Variants in TMEM135 observed in about 807,000 individuals in gnomAD.
TMEM135 encodes peroxisomal membrane protein 52.
Under a neutral mutation model 60.3 loss-of-function variants are expected in TMEM135, and 30 were observed. The observed-to-expected ratio is 0.50, with a 90% CI of 0.37 to 0.68. The LOEUF is 0.68. Ranked by LOEUF, TMEM135 falls within the 30% of genes least tolerant of loss-of-function variation. The probability of loss-of-function intolerance (pLI) is 0.00; values close to 1 mark genes in which losing one functional copy is unlikely to be tolerated. For synonymous variants in TMEM135, 190 were observed against 186.7 expected (o/e 1.02, Z -0.14); for missense variants, 468 against 548.8 (o/e 0.85, Z 1.47).
chr11:87,109,546 T>C (rs1857689133), intron 4 of TMEM135, among the ~76,000 whole-genome samples: 2 of 152,220 alleles, frequency 1.3e-5, no homozygotes, highest in African/African-American at 4.8e-5. Context: ...GTTGATGATG[T>C]AGGCATTGTG....
rs1351128687 is a variant in TMEM135 at position 87,323,804 on chromosome 11, T to C, written c.*2471T>C. ...CAATTCTCAGCAGTTTTTCATCAAA[T>C]AATTTCAGGATCCATTTTATTACTC... On this transcript the variant is annotated 3_prime_UTR_variant, in exon 15 of 15. Coordinates refer to ENST00000305494, the MANE Select transcript of TMEM135 (RefSeq NM_022918.4). The C allele has an allele frequency of 6.6e-6, 3 of 453,922 alleles. No individual in the cohort carries two copies. The East Asian group carries it at 2.1e-4, about 32-fold the overall frequency. 28.1% of individuals were successfully genotyped at this position (453,922 alleles called of 1,614,324 possible). A position where few individuals can be genotyped will look rare whatever the true frequency, so the allele number is the denominator to read the frequency against.
At chr11:87,253,247 A>G (rs1941456707) in intron 6 of TMEM135, among the ~76,000 whole-genome samples, 1 of 152,142 alleles carries the variant, frequency 6.6e-6, no homozygotes, top group African/African-American at 2.4e-5. Context: ...ACATTTTATA[A>G]TGAATATAAA....
At chr11:87,305,638 G>C (rs1003987015) in intron 8 of TMEM135, among the ~76,000 whole-genome samples, 2 of 152,106 alleles carry the variant, frequency 1.3e-5, no homozygotes, top group Non-Finnish European at 2.9e-5. Context: ...GCTGGGCGTG[G>C]TGGCAGGCGC....
chr11:87,151,359 C>G (rs1194010636), intron 4 of TMEM135, among the ~76,000 whole-genome samples: 1 of 151,942 alleles, frequency 6.6e-6, no homozygotes, highest in Non-Finnish European at 1.5e-5. Context: ...CTAAAGGGTT[C>G]CTTTTCTTAT....
intron 5 of TMEM135, among the ~76,000 whole-genome samples, chr11:87,224,952 A>G (rs963193895): frequency 1.3e-5 from 2 of 152,078 alleles, no homozygotes; most frequent in South Asian, 4.1e-4. Context: ...TATTTTGGAA[A>G]TTTAAAAATT....
At chr11:87,084,293 C>G (rs2135158872) in intron 3 of TMEM135, among the ~76,000 whole-genome samples, 1 of 147,208 alleles carries the variant, frequency 6.8e-6, no homozygotes, top group Middle Eastern at 3.4e-3. Context: ...TCTGACTACA[C>G]AGTTCCTGTA....
intron 5 of TMEM135, among the ~76,000 whole-genome samples, chr11:87,196,292 A>C (rs954440213): frequency 4.6e-5 from 7 of 152,170 alleles, no homozygotes; most frequent in Admixed American, 2.0e-4. Context: ...TATTTGATTA[A>C]ATATTGCAGG....
Position 87,326,466 on chromosome 11 carries a change from G to C in TMEM135, c.*5133G>C. The C allele has an allele frequency of 2.2e-6, 1 of 453,850 alleles. No homozygotes were observed. The highest frequency in any genetic ancestry group is 4.4e-6 in the Non-Finnish European group (1 of 226,746). 28.1% of individuals were successfully genotyped at this position (453,850 alleles called of 1,614,324 possible). ...TTAATTTTCTTTTCAGATTATTTTT[G>C]GTCACCTAAGAGGACCCTGAAGCTA... On this transcript the variant is annotated 3_prime_UTR_variant, in exon 15 of 15. Coordinates refer to ENST00000305494, the MANE Select transcript of TMEM135 (RefSeq NM_022918.4).
At chr11:87,087,799 C>T (rs927331711) in intron 3 of TMEM135, among the ~76,000 whole-genome samples, 2 of 151,992 alleles carry the variant, frequency 1.3e-5, no homozygotes, top group South Asian at 2.1e-4. Flanking sequence ...TGCAATGGTG[C>T]GATCTTGGCC....
chr11:87,102,381 T>C (rs1857476435), intron 4 of TMEM135, among the ~76,000 whole-genome samples: 1 of 152,150 alleles, frequency 6.6e-6, no homozygotes, highest in South Asian at 2.1e-4. Flanking sequence ...AACAGCCAGA[T>C]GGACGAGATG....
chr11:87,092,241 A>G (rs1857223830), intron 4 of TMEM135, among the ~76,000 whole-genome samples: 4 of 152,188 alleles, frequency 2.6e-5, no homozygotes, highest in Admixed American at 2.6e-4. Context: ...CTCTAGTGGG[A>G]GAAGTCACGG....
At chr11:87,130,047 T>C (rs1353072296) in intron 4 of TMEM135, among the ~76,000 whole-genome samples, 1 of 152,042 alleles carries the variant, frequency 6.6e-6, no homozygotes, top group Non-Finnish European at 1.5e-5. Flanking sequence ...AGTTCTTCAG[T>C]GGGCTTCTAG....
intron 4 of TMEM135, among the ~76,000 whole-genome samples, chr11:87,138,614 T>G (rs533651492): frequency 1.3e-5 from 2 of 152,302 alleles, no homozygotes; most frequent in African/African-American, 4.8e-5. Context: ...CAGGTGTAAG[T>G]GGCAGAGGTA....
Position 87,323,131 on chromosome 11 carries a change from T to A in TMEM135, c.*1798T>A, listed in dbSNP as rs1218025064. ...ATTGTTTTCATTGACATTAAAAGAC[T>A]GTGATATTGAAAGATGAATTACGAA... On this transcript the variant is annotated 3_prime_UTR_variant, in exon 15 of 15. Transcript: ENST00000305494. 4 of 454,116 alleles carry A rather than the reference T, an allele frequency of 8.8e-6. No homozygotes were observed. The Admixed American group carries it at 9.4e-5, about 11-fold the overall frequency. The allele number at this position is 454,116 out of a possible 1,614,324, so 28.1% of individuals were successfully genotyped here. A position where few individuals can be genotyped will look rare whatever the true frequency, so the allele number is the denominator to read the frequency against.
intron 6 of TMEM135, among the ~76,000 whole-genome samples, chr11:87,273,022 A>G (rs755256018): frequency 2.0e-5 from 3 of 152,162 alleles, no homozygotes; most frequent in Non-Finnish European, 4.4e-5. Flanking sequence ...CGTTATAGCA[A>G]TTATCCTGTC....
chr11:87,104,658 G>T (rs1002047882), intron 4 of TMEM135, among the ~76,000 whole-genome samples: 8 of 152,018 alleles, frequency 5.3e-5, no homozygotes, highest in African/African-American at 1.9e-4. Flanking sequence ...ATACCCCTAA[G>T]GATTTTATTT....
intron 3 of TMEM135, among the ~76,000 whole-genome samples, chr11:87,075,869 T>G (rs1251005773): frequency 1.4e-5 from 2 of 139,554 alleles, no homozygotes; most frequent in African/African-American, 5.7e-5. Flanking sequence ...TTTCCCTTAC[T>G]TTCTCCTAAA....
At chr11:87,042,795 TC>T (rs1201448977) in intron 1 of TMEM135, among the ~76,000 whole-genome samples, 1 of 151,452 alleles carries the variant, frequency 6.6e-6, no homozygotes, top group African/African-American at 2.5e-5. Flanking sequence ...CTTCTTTTAA[TC>T]TTAGTATCTA....
At chr11:87,082,926 A>T (rs903440051) in intron 3 of TMEM135, among the ~76,000 whole-genome samples, 27 of 152,312 alleles carry the variant, frequency 1.8e-4, no homozygotes, top group Admixed American at 1.6e-3. Flanking sequence ...AGTTTTTCAA[A>T]AAGTATTTAA....
Sources: allele counts gnomAD v4.1 joint callset (sites outside exome capture counted in the v4.1 genomes callset), GRCh38; gene constraint gnomAD v4.1.1; transcripts MANE v1.5; gene names NCBI Gene and HGNC (gene_info 2026-07-23, HGNC 2026-07-21).